MAST2: variants seen among roughly 807,000 people sequenced by gnomAD.
The protein encoded by MAST2 is microtubule-associated serine/threonine-protein kinase 2.
Under a neutral mutation model 147.4 loss-of-function variants are expected in MAST2, and 70 were observed. The ratio of observed to expected loss-of-function variants is 0.47; its 90% CI spans 0.39 to 0.58. The LOEUF is 0.58. MAST2 is among the 20% of genes least tolerant of loss of function. MAST2 has a pLI of 0.00. For synonymous variants in MAST2, 869 were observed against 896.8 expected (o/e 0.97, Z 0.55); for missense variants, 2,080 against 2,302.3 (o/e 0.90, Z 1.98).
intron 2 of MAST2, among the ~76,000 whole-genome samples, chr1:45,828,961 A>T (rs937661312): frequency 1.9e-4 from 29 of 152,128 alleles, no homozygotes; most frequent in African/African-American, 7.0e-4. Flanking sequence ...AATCATTGGA[A>T]TTCCCTATAC....
intron 5 of MAST2, among the ~76,000 whole-genome samples, chr1:45,987,892 C>T (rs74928014): frequency 0.048 from 6,940 of 144,764 alleles, 518 homozygotes; most frequent in African/African-American, 0.16. Context: ...CCACCTTGGT[C>T]TCTCAAAGTG....
At chr1:45,898,676 C>A (rs1296949920) in intron 4 of MAST2, among the ~76,000 whole-genome samples, 1 of 152,180 alleles carries the variant, frequency 6.6e-6, no homozygotes, top group Non-Finnish European at 1.5e-5. Flanking sequence ...GCCTTCCTAC[C>A]AGAGAATCTG....
chr1:46,021,565 C>T (rs974744503), intron 11 of MAST2, among the ~76,000 whole-genome samples: 8 of 152,210 alleles, frequency 5.3e-5, no homozygotes, highest in Non-Finnish European at 1.2e-4. Flanking sequence ...TAGGGCTTTG[C>T]CAAAGCTCTT....
intron 4 of MAST2, among the ~76,000 whole-genome samples, chr1:45,915,431 C>T (rs185455085): frequency 2.8e-4 from 42 of 152,322 alleles, no homozygotes; most frequent in Admixed American, 1.2e-3. Context: ...AATTTGCCGG[C>T]CAGGCGCGGT....
chr1:46,004,638 C>T lies in MAST2; in HGVS notation c.748-1603C>T, dbSNP rs139213711. The stretch of plus-strand genomic sequence containing the variant: ...AATAACCCTGTGGAGACATCTCACT[C>T]GCTGTTTATAACTTCATGTATTATA... On this transcript the variant is annotated intron_variant, in intron 7 of 28. Coordinates refer to ENST00000361297, the MANE Select transcript of MAST2 (RefSeq NM_015112.3). Among the ~76,000 whole-genome samples the T allele has an allele frequency of 1.2e-4, 19 of 152,266 alleles. No individual in the cohort carries two copies. In the East Asian group the frequency reaches 2.5e-3, roughly 20 times the overall value.
At chr1:45,944,430 T>C (rs1014211338) in intron 4 of MAST2, among the ~76,000 whole-genome samples, 2 of 152,206 alleles carry the variant, frequency 1.3e-5, no homozygotes, top group South Asian at 2.1e-4. Flanking sequence ...TTAATACAAC[T>C]TAATATTATT....
In MAST2 at chr1:46,032,159, C is replaced by T. The variant is rs1221873697; in HGVS notation, c.3188-19C>T. The T allele has an allele frequency of 1.2e-6, 2 of 1,606,884 alleles. No individual in the cohort carries two copies. Among genetic ancestry groups the T allele is most frequent in the Non-Finnish European group, 1.7e-6 (2 of 1,173,576 alleles). ...CCAAAGCCCTCTGACCCACTAAGTC[C>T]TGGCTTCTCCTTCTCCAGAACACCA... On this transcript the variant is annotated intron_variant, in intron 24 of 28. Coordinates refer to ENST00000361297, the MANE Select transcript of MAST2 (RefSeq NM_015112.3).
At chr1:45,812,413 C>A (rs150462163) in intron 1 of MAST2, among the ~76,000 whole-genome samples, 25 of 144,930 alleles carry the variant, frequency 1.7e-4, no homozygotes, top group Admixed American at 1.3e-3. Flanking sequence ...GCCTAAAGAT[C>A]AATCTGTAAG....
chr1:45,812,090 T>A (rs991643286), intron 1 of MAST2, among the ~76,000 whole-genome samples: 1 of 152,046 alleles, frequency 6.6e-6, no homozygotes, highest in African/African-American at 2.4e-5. Context: ...ATATTCTTAT[T>A]TGTGTTTTAG....
At chr1:45,852,735 G>A (rs1035937302) in intron 3 of MAST2, among the ~76,000 whole-genome samples, 2 of 151,880 alleles carry the variant, frequency 1.3e-5, no homozygotes, top group African/African-American at 4.8e-5. Flanking sequence ...TTTTCAGTAA[G>A]TATAATGTTT....
chr1:46,023,334 A>G lies in MAST2; in HGVS notation c.1571+16A>G, dbSNP rs1646268051. On this transcript the variant is annotated intron_variant, in intron 14 of 28. Coordinates refer to ENST00000361297, the MANE Select transcript of MAST2 (RefSeq NM_015112.3). The surrounding 1 kb of genome is among the most constrained non-coding windows in gnomAD (Gnocchi z 4.9). ...GCGCCTATGGGTAAAGGCAGGGGTC[A>G]GGGTGTGGCCAGGACTGAAGCCGGG... 1 of 1,611,246 alleles carries G rather than the reference A, an allele frequency of 6.2e-7. No individual in the cohort carries two copies. Among genetic ancestry groups the G allele is most frequent in the Non-Finnish European group, 8.5e-7 (1 of 1,177,704 alleles).
rs188587599 is a variant in MAST2, at chr1:45,981,118, C to T, written c.593-16606C>T. 3.9e-4 allele frequency among the ~76,000 whole-genome samples: 60 copies of T among 152,198 alleles called. 1 individual carries two copies. Among genetic ancestry groups the T allele is most frequent in the African/African-American group, 1.4e-3 (58 of 41,526 alleles). On this transcript the variant is annotated intron_variant, in intron 5 of 28. Transcript: ENST00000361297. ...CAAAAATTGCACTCCAGTGCCCAGG[C>T]TGGAGTGCAGTGACGCGATCTCGGC...
chr1:45,836,575 T>C (rs1279221042), intron 3 of MAST2, among the ~76,000 whole-genome samples: 3 of 152,194 alleles, frequency 2.0e-5, no homozygotes, highest in Admixed American at 2.0e-4. Flanking sequence ...TTCAGTATTA[T>C]AAAGAGATTC....
intron 4 of MAST2, among the ~76,000 whole-genome samples, chr1:45,899,303 T>TTTTC (rs1397304566): frequency 3.7e-5 from 4 of 108,420 alleles, no homozygotes; most frequent in South Asian, 7.8e-4. Flanking sequence ...TTTTCCTTTC[T>TTTTC]TTTCTTTTTT....
intron 3 of MAST2, among the ~76,000 whole-genome samples, chr1:45,879,211 T>G (rs1437760693): frequency 2.6e-5 from 4 of 151,908 alleles, no homozygotes; most frequent in Non-Finnish European, 1.5e-5. Context: ...TAAGTGGATA[T>G]CCATATGAAA....
At chr1:45,980,579 G>A (rs1644367480) in intron 5 of MAST2, among the ~76,000 whole-genome samples, 1 of 152,150 alleles carries the variant, frequency 6.6e-6, no homozygotes, top group Non-Finnish European at 1.5e-5. Context: ...TTGTCACATA[G>A]GCTGTAGTGT....
At chr1:45,838,340 C>G (rs1216433022) in intron 3 of MAST2, among the ~76,000 whole-genome samples, 1 of 151,564 alleles carries the variant, frequency 6.6e-6, no homozygotes, top group Non-Finnish European at 1.5e-5. Context: ...TTGCCTTACC[C>G]TCCTGAGTAG....
intron 18 of MAST2, 58 bp downstream of exon 18, chr1:46,028,991 G>A: frequency 6.6e-7 from 1 of 1,506,748 alleles, no homozygotes; most frequent in South Asian, 1.3e-5. Flanking sequence ...CAAATATGAT[G>A]TATGCAGGCA....
chr1:45,862,668 C>T lies in MAST2; in HGVS notation c.469-19696C>T, dbSNP rs547260347. 2.6e-5 allele frequency among the ~76,000 whole-genome samples: 4 copies of T among 152,134 alleles called. No homozygotes were observed. In the East Asian group the frequency reaches 7.7e-4, roughly 29 times the overall value. On this transcript the variant is annotated intron_variant, in intron 3 of 28. Transcript: ENST00000361297. ...TATTTTTAGTAGAAACACGGTTTTG[C>T]CTTGTTGGCCAGGCTGGTCTCGAAC...
Sources: gnomAD v4.1 joint callset for allele counts (sites outside exome capture counted in the v4.1 genomes callset) on GRCh38, gnomAD v4.1.1 for gene constraint, Gnocchi (gnomAD v3.1) non-coding constraint, MANE v1.5 for transcripts, NCBI Gene and HGNC (gene_info 2026-07-23, HGNC 2026-07-21) for gene names.